Variants in RBFOX2 observed in about 807,000 individuals in gnomAD.
The protein encoded by RBFOX2 is RNA binding fox-1 homolog 2.
RBFOX2 carries 10 observed loss-of-function variants against 49.1 expected under a neutral mutation model. The observed-to-expected ratio is 0.20, with a 90% confidence interval of 0.13 to 0.35. The LOEUF (loss-of-function observed/expected upper bound fraction) is 0.35, where lower values mean the gene tolerates loss of function less well. RBFOX2 is among the 10% of genes least tolerant of loss of function. The pLI is 1.00. For missense variants in RBFOX2, 323 were observed against 486.9 expected (o/e 0.66, Z 3.17); for synonymous variants, 183 against 187.4 (o/e 0.98, Z 0.19).
chr22:35,771,201 A>AT (rs755329204), intron 4 of RBFOX2, among the ~76,000 whole-genome samples: 2 of 152,166 alleles, frequency 1.3e-5, no homozygotes, highest in East Asian at 3.9e-4. Context: ...AGATAGAGAG[A>AT]TTATCCTGGA....
chr22:35,755,575 C>G (rs1267428665), intron 9 of RBFOX2, among the ~76,000 whole-genome samples: 2 of 152,126 alleles, frequency 1.3e-5, no homozygotes, highest in Non-Finnish European at 2.9e-5. Flanking sequence ...TTGGCTATCA[C>G]AAGGTCATGT....
chr22:36,028,015 T>C (rs1025484526), intron 1 of RBFOX2, among the ~76,000 whole-genome samples: 18 of 152,168 alleles, frequency 1.2e-4, no homozygotes, highest in African/African-American at 3.9e-4. Context: ...TCGTGCCTCC[T>C]GGCCCCTCAG....
At chr22:35,957,734 G>A (rs911060496) in intron 1 of RBFOX2, among the ~76,000 whole-genome samples, 1 of 152,156 alleles carries the variant, frequency 6.6e-6, no homozygotes, top group Non-Finnish European at 1.5e-5. Flanking sequence ...TCTTCCAACC[G>A]TAACTTAGAA....
At chr22:35,991,138 C>A (rs2057961646) in intron 1 of RBFOX2, among the ~76,000 whole-genome samples, 1 of 151,788 alleles carries the variant, frequency 6.6e-6, no homozygotes, top group Non-Finnish European at 1.5e-5. Flanking sequence ...AACCCACCCA[C>A]TAGAAGGGAG....
At chr22:35,950,995 CCAGGCTGGAGTG>C (rs2054855073) in intron 1 of RBFOX2, among the ~76,000 whole-genome samples, 1 of 149,632 alleles carries the variant, frequency 6.7e-6, no homozygotes, top group African/African-American at 2.5e-5. Flanking sequence ...ACTCTGTTGC[CCAGGCTGGAGTG>C]CAGTGGTACA....
chr22:35,850,142 C>T (rs187606700), intron 1 of RBFOX2, among the ~76,000 whole-genome samples: 5 of 150,642 alleles, frequency 3.3e-5, no homozygotes, highest in East Asian at 4.0e-4. Context: ...CTTTCTTGGG[C>T]GGGGAGCATG....
At chr22:35,957,543 C>T (rs1476265851) in intron 1 of RBFOX2, among the ~76,000 whole-genome samples, 2 of 152,194 alleles carry the variant, frequency 1.3e-5, no homozygotes, top group Non-Finnish European at 1.5e-5. Context: ...GGTTACAGAG[C>T]TAGTCTAAGA....
At chr22:35,917,800 A>T (rs2050592638) in intron 1 of RBFOX2, among the ~76,000 whole-genome samples, 2 of 152,106 alleles carry the variant, frequency 1.3e-5, no homozygotes, top group African/African-American at 4.8e-5. Flanking sequence ...CAAACTCTCA[A>T]ATACACCTTA....
intron 6 of RBFOX2, among the ~76,000 whole-genome samples, chr22:35,764,380 T>G (rs755401386): frequency 4.3e-4 from 65 of 152,042 alleles, no homozygotes; most frequent in Non-Finnish European, 7.1e-4. Context: ...GTCAGGAGGT[T>G]GAGACCATCC....
At chr22:36,004,441 G>T (rs985831525) in intron 1 of RBFOX2, among the ~76,000 whole-genome samples, 1 of 152,054 alleles carries the variant, frequency 6.6e-6, no homozygotes, top group African/African-American at 2.4e-5. Flanking sequence ...TCAGTTTATT[G>T]ACACTTGGCA....
At chr22:35,915,176 T>C (rs555887831) in intron 1 of RBFOX2, among the ~76,000 whole-genome samples, 54 of 152,250 alleles carry the variant, frequency 3.5e-4, no homozygotes, top group African/African-American at 1.2e-3. Context: ...AGCAGCCCCA[T>C]CCCCTTGTAA....
chr22:35,964,746 A>G (rs2056456596), upstream of RBFOX2, among the ~76,000 whole-genome samples: 1 of 152,206 alleles, frequency 6.6e-6, no homozygotes, highest in African/African-American at 2.4e-5. Flanking sequence ...CATGCTAAAG[A>G]GGCCAAGGTC....
chr22:35,975,829 G>T (rs2057119455), intron 1 of RBFOX2, among the ~76,000 whole-genome samples: 1 of 152,138 alleles, frequency 6.6e-6, no homozygotes, highest in Non-Finnish European at 1.5e-5. Flanking sequence ...ACTATTACCA[G>T]CTCAATCACT....
At chr22:35,803,506 C>T (rs1280599261) in intron 2 of RBFOX2, among the ~76,000 whole-genome samples, 1 of 151,950 alleles carries the variant, frequency 6.6e-6, no homozygotes, top group African/African-American at 2.4e-5. Context: ...CGAGACCCTG[C>T]CTCTACAAAA....
chr22:35,859,129 A>T (rs1392328192), intron 1 of RBFOX2, among the ~76,000 whole-genome samples: 1 of 152,216 alleles, frequency 6.6e-6, no homozygotes, highest in Non-Finnish European at 1.5e-5. Flanking sequence ...GCTTATTCCA[A>T]TATGGCTTGG....
chr22:35,803,574 G>A (rs1221905054), intron 2 of RBFOX2, among the ~76,000 whole-genome samples: 1 of 152,176 alleles, frequency 6.6e-6, no homozygotes, highest in East Asian at 1.9e-4. Flanking sequence ...CTACTCAGGA[G>A]GCTGAGGCAG....
At chr22:35,896,674 C>T (rs770126325) in intron 1 of RBFOX2, among the ~76,000 whole-genome samples, 3 of 152,168 alleles carry the variant, frequency 2.0e-5, no homozygotes, top group Non-Finnish European at 2.9e-5. Context: ...CGCAGACGAA[C>T]GTTTTCTCTC....
At chr22:35,818,166 C>A (rs560651657) in intron 1 of RBFOX2, among the ~76,000 whole-genome samples, 1 of 152,168 alleles carries the variant, frequency 6.6e-6, no homozygotes, top group African/African-American at 2.4e-5. Context: ...ATATTTCCAA[C>A]CTCTTAAAAG....
chr22:35,891,433 A>G (rs2047230739), intron 1 of RBFOX2, among the ~76,000 whole-genome samples: 1 of 151,934 alleles, frequency 6.6e-6, no homozygotes, highest in Admixed American at 6.5e-5. Context: ...AAGGCCGGCC[A>G]GGGCACACTA....
Sources: gnomAD v4.1 joint callset for allele counts (sites outside exome capture counted in the v4.1 genomes callset) on GRCh38, gnomAD v4.1.1 for gene constraint, MANE v1.5 for transcripts, NCBI Gene and HGNC (gene_info 2026-07-23, HGNC 2026-07-21) for gene names.